Variants in SPOP observed in about 807,000 individuals in gnomAD.
The protein encoded by SPOP is speckle type BTB/POZ protein.
SPOP carries 11 observed loss-of-function variants against 45.6 expected under a neutral mutation model. That is an observed-to-expected ratio of 0.24 (90% confidence interval 0.15 to 0.40). The LOEUF (loss-of-function observed/expected upper bound fraction) is 0.40. Ranked by LOEUF, SPOP falls within the 10% of genes least tolerant of loss-of-function variation. SPOP has a pLI of 1.00. For synonymous variants in SPOP, 166 were observed against 166.3 expected, an observed-to-expected ratio of 1.00 and a Z score of 0.01; for missense variants, 152 against 465.6, an observed-to-expected ratio of 0.33 and a Z score of 6.20.
At chr17:49,663,720 C>T (rs2073017617) in intron 1 of SPOP, among the ~76,000 whole-genome samples, 1 of 152,182 alleles carries the variant, frequency 6.6e-6, no homozygotes, top group South Asian at 2.1e-4. Context: ...TGGAACCCTA[C>T]TTTTACTTGG....
chr17:49,645,243 A>T (rs2072732993), intron 1 of SPOP, among the ~76,000 whole-genome samples: 2 of 152,180 alleles, frequency 1.3e-5, no homozygotes, highest in Admixed American at 1.3e-4. Flanking sequence ...TTCCTTAAGC[A>T]GAGAAAGTAT....
chr17:49,626,222 G>A (rs2072328270), intron 1 of SPOP, among the ~76,000 whole-genome samples: 1 of 152,040 alleles, frequency 6.6e-6, no homozygotes, highest in African/African-American at 2.4e-5. Flanking sequence ...AAGCCCATAT[G>A]CCTGCTTTAG....
chr17:49,606,318 T>C (rs1202152968), intron 8 of SPOP, among the ~76,000 whole-genome samples: 2 of 151,626 alleles, frequency 1.3e-5, no homozygotes, highest in African/African-American at 4.8e-5. Context: ...CACACTTGGC[T>C]AAATTTTTTT....
intron 1 of SPOP, among the ~76,000 whole-genome samples, chr17:49,633,193 C>T (rs965335538): frequency 4.6e-5 from 7 of 152,138 alleles, no homozygotes; most frequent in Non-Finnish European, 1.0e-4. Flanking sequence ...ATTAGATATG[C>T]ACTTGTACAT....
intron 1 of SPOP, among the ~76,000 whole-genome samples, chr17:49,634,439 T>G (rs1038690732): frequency 6.6e-6 from 1 of 152,242 alleles, no homozygotes; most frequent in Non-Finnish European, 1.5e-5. Flanking sequence ...AAAAGCCCTA[T>G]GGTAAGAAGA....
intron 1 of SPOP, among the ~76,000 whole-genome samples, chr17:49,670,980 G>A (rs1444830825): frequency 3.9e-5 from 6 of 152,056 alleles, no homozygotes; most frequent in Non-Finnish European, 5.9e-5. Flanking sequence ...TAATAAAACC[G>A]CCACATCCCA....
intron 1 of SPOP, among the ~76,000 whole-genome samples, chr17:49,664,031 C>A (rs893825729): frequency 6.6e-6 from 1 of 152,160 alleles, no homozygotes; most frequent in Non-Finnish European, 1.5e-5. Context: ...TCCCAAAAGA[C>A]CGCAGCATGA....
chr17:49,629,748 G>A (rs916697410), intron 1 of SPOP, among the ~76,000 whole-genome samples: 4 of 152,146 alleles, frequency 2.6e-5, no homozygotes, highest in Non-Finnish European at 5.9e-5. Flanking sequence ...TATTTCCCAT[G>A]AGCATTTCTC....
intron 1 of SPOP, among the ~76,000 whole-genome samples, chr17:49,661,323 A>G (rs2072985049): frequency 6.6e-6 from 1 of 152,004 alleles, no homozygotes; most frequent in South Asian, 2.1e-4. Flanking sequence ...CCATTATCCC[A>G]TCTTCTGCTT....
At chr17:49,645,585 G>A (rs1017990032) in intron 1 of SPOP, among the ~76,000 whole-genome samples, 7 of 151,806 alleles carry the variant, frequency 4.6e-5, no homozygotes, top group East Asian at 1.9e-4. Flanking sequence ...ATGAGTCACC[G>A]CGCCCAGCCA....
intron 1 of SPOP, among the ~76,000 whole-genome samples, chr17:49,629,587 A>G (rs2072410240): frequency 6.6e-6 from 1 of 152,234 alleles, no homozygotes; most frequent in Non-Finnish European, 1.5e-5. Context: ...TTGCATAATC[A>G]GAATTCTTTC....
At chr17:49,609,794 G>C (rs1024409578) in intron 6 of SPOP, among the ~76,000 whole-genome samples, 2 of 151,906 alleles carry the variant, frequency 1.3e-5, no homozygotes, top group African/African-American at 4.8e-5. Flanking sequence ...AGAGGGAGAA[G>C]CTTGGAGCCT....
At chr17:49,602,175 G>C (rs2071752264) in intron 8 of SPOP, 168 bp from the exon 9 acceptor site, 1 of 715,204 alleles carries the variant, frequency 1.4e-6, no homozygotes, top group Non-Finnish European at 2.1e-6. Flanking sequence ...ATTTCTGAAG[G>C]TTAGATGTTT....
rs200154697 is a variant in SPOP at position 49,622,850 on chromosome 17, G to T, written c.-40C>A. 2.8e-5 allele frequency: 44 copies of T among 1,550,582 alleles called. No homozygotes were observed. The highest frequency in any genetic ancestry group is 2.2e-4 in the South Asian group (20 of 89,760). The stretch of plus-strand genomic sequence containing the variant: ...TTAAACGAGATTTCCAAAGTCAGGG[G>T]GCAAAGATTTCTGTTCCCTCTTCAC... On this transcript the variant is annotated 5_prime_UTR_variant, in exon 2 of 10. Transcript: ENST00000504102.
chr17:49,608,900 C>T (rs2071908094), intron 6 of SPOP, among the ~76,000 whole-genome samples: 2 of 151,642 alleles, frequency 1.3e-5, no homozygotes, highest in African/African-American at 4.8e-5. Context: ...TTAGCTCTGC[C>T]ATTTTTTTTT....
At chr17:49,661,906 T>G (rs1157061727) in intron 1 of SPOP, among the ~76,000 whole-genome samples, 1 of 149,856 alleles carries the variant, frequency 6.7e-6, no homozygotes, top group Non-Finnish European at 1.5e-5. Flanking sequence ...CCAGCTACTT[T>G]GGAGGCTGAG....
chr17:49,646,471 A>C (rs1295765768), intron 1 of SPOP: 2 of 151,750 alleles, frequency 1.3e-5, no homozygotes, highest in African/African-American at 2.4e-5. Context: ...GGTGGAGGCC[A>C]CAGTGAGCCG....
At chr17:49,629,890 G>A (rs1333129263) in intron 1 of SPOP, among the ~76,000 whole-genome samples, 3 of 152,276 alleles carry the variant, frequency 2.0e-5, no homozygotes, top group South Asian at 2.1e-4. Flanking sequence ...ACAGGAACAA[G>A]ATTGTGAAGA....
At position 49,600,728 on chromosome 17, in the gene SPOP, A is replaced by G. The variant is rs149643494; in HGVS notation, c.981-206T>C. 26 of 578,292 alleles carry G rather than the reference A, an allele frequency of 4.5e-5. No individual in the cohort carries two copies. The highest frequency in any genetic ancestry group is 7.3e-5 in the Non-Finnish European group (24 of 327,984). 35.8% of individuals were successfully genotyped at this position (578,292 alleles called of 1,614,324 possible). A position where few individuals can be genotyped will look rare whatever the true frequency, so the allele number is the denominator to read the frequency against. On this transcript the variant is annotated intron_variant, in intron 9 of 9. Coordinates refer to ENST00000504102, the MANE Select transcript of SPOP (RefSeq NM_001007228.2). The surrounding 1 kb of genome is among the most constrained non-coding windows in gnomAD (Gnocchi z 4.2). ...TGTGGCTGTCGTCATCTGAAAACCA[A>G]GACTTTGAGCCACTATATTCTCAAA...
Sources: allele counts gnomAD v4.1 joint callset (sites outside exome capture counted in the v4.1 genomes callset), GRCh38; gene constraint gnomAD v4.1.1; non-coding constraint Gnocchi (gnomAD v3.1); transcripts MANE v1.5; gene names NCBI Gene and HGNC (gene_info 2026-07-23, HGNC 2026-07-21).